The following LUC7L variants were observed in gnomAD, a reference collection of about 807,000 sequenced individuals.
LUC7L encodes the protein putative RNA-binding protein Luc7-like 1.
In LUC7L, 29 loss-of-function variants were observed where a neutral mutation model predicts 51.1. That is an observed-to-expected ratio of 0.57 (90% confidence interval 0.42 to 0.77). The LOEUF (loss-of-function observed/expected upper bound fraction) is 0.77, where lower values mean the gene tolerates loss of function less well. Ranked by LOEUF, LUC7L falls within the 30% of genes least tolerant of loss-of-function variation. The pLI, the probability that LUC7L is intolerant of heterozygous loss-of-function variation, is 0.00. For synonymous variants in LUC7L, 181 were observed against 180.7 expected (o/e 1.00, Z -0.01); for missense variants, 403 against 511.9 (o/e 0.79, Z 2.05).
intron 1 of LUC7L, chr16:228,132 T>C: frequency 8.8e-7 from 1 of 1,133,684 alleles, no homozygotes; most frequent in Non-Finnish European, 1.1e-6. Flanking sequence ...ATGTGACAAA[T>C]TTTAAAGCTA....
rs2049510100 is a variant in LUC7L at position 207,263 on chromosome 16, C to T, written c.366+815G>A. 2.6e-5 allele frequency among the ~76,000 whole-genome samples: 4 copies of T among 151,712 alleles called. No individual in the cohort carries two copies. In the South Asian group the frequency reaches 6.3e-4, roughly 24 times the overall value. ...TTGAGGCAGGGTCTCACTCTGTTAT[C>T]CAGGCTGAAGCAAAGTAGCATGATC... On this transcript the variant is annotated intron_variant, in intron 4 of 9. Coordinates refer to ENST00000293872, the MANE Select transcript of LUC7L (RefSeq NM_201412.3).
intron 9 of LUC7L, chr16:189,648 AAAAC>A (rs2048956582): frequency 7.6e-7 from 1 of 1,323,906 alleles, no homozygotes; most frequent in Non-Finnish European, 9.6e-7. Flanking sequence ...AAAAATATCA[AAAAC>A]AAAAACCAAA....
chr16:208,612 AGC>A, intron 3 of LUC7L: 1 of 996,322 alleles, frequency 1.0e-6, no homozygotes, highest in Non-Finnish European at 1.2e-6. Flanking sequence ...GGTCTTTGTG[AGC>A]CACGTAAATA....
chr16:229,117 G>T, intron 1 of LUC7L, 162 bp downstream of exon 1: 1 of 1,410,654 alleles, frequency 7.1e-7, no homozygotes, highest in Non-Finnish European at 9.1e-7. Flanking sequence ...AGACGCACCG[G>T]CTTAGACAAA....
chr16:229,241 C>T (rs758935602), intron 1 of LUC7L, 38 bp downstream of exon 1: 56 of 1,522,342 alleles, frequency 3.7e-5, no homozygotes, highest in Non-Finnish European at 4.8e-5. Flanking sequence ...GCCTCACTCC[C>T]ACCCCAGACC....
intron 3 of LUC7L, among the ~76,000 whole-genome samples, chr16:219,305 C>CT (rs1272738597): frequency 3.3e-5 from 5 of 152,130 alleles, no homozygotes; most frequent in Non-Finnish European, 7.4e-5. Flanking sequence ...AGGAGAATCA[C>CT]TTGAACCAGG....
At chr16:213,771 G>A (rs368867587) in intron 3 of LUC7L, among the ~76,000 whole-genome samples, 20 of 152,120 alleles carry the variant, frequency 1.3e-4, no homozygotes, top group African/African-American at 4.8e-4. Flanking sequence ...CTGGAGTGCA[G>A]TGGCGCAATC....
intron 2 of LUC7L, among the ~76,000 whole-genome samples, chr16:221,329 G>T (rs1410655515): frequency 6.6e-6 from 1 of 151,740 alleles, no homozygotes; most frequent in Non-Finnish European, 1.5e-5. Context: ...ACAGGTGTGA[G>T]CCACGGTGCC....
chr16:227,473 A>G (rs552044078), intron 1 of LUC7L, 137 bp from the exon 2 acceptor site: 1 of 1,461,314 alleles, frequency 6.8e-7, no homozygotes, highest in Admixed American at 2.5e-5. Flanking sequence ...TGAAAAGCTG[A>G]TCTAAAGATA....
chr16:222,345 AAGAC>A (rs963966657), intron 2 of LUC7L, among the ~76,000 whole-genome samples: 4 of 151,736 alleles, frequency 2.6e-5, no homozygotes, highest in African/African-American at 9.7e-5. Context: ...AAAAAAAAAA[AAGAC>A]GTTAGTACCA....
chr16:196,485 A>T (rs2049153005), intron 6 of LUC7L, among the ~76,000 whole-genome samples: 1 of 152,036 alleles, frequency 6.6e-6, no homozygotes, highest in Non-Finnish European at 1.5e-5. Context: ...TGAAAATGTA[A>T]TTTAAAGGAG....
chr16:220,573 G>C, intron 3 of LUC7L, 76 bp downstream of exon 3: 1 of 1,079,398 alleles, frequency 9.3e-7, no homozygotes, highest in South Asian at 1.3e-5. Flanking sequence ...CATAACTTAC[G>C]TATGTTACAT....
chr16:204,094 A>T (rs946773747), intron 5 of LUC7L, among the ~76,000 whole-genome samples: 3 of 151,942 alleles, frequency 2.0e-5, no homozygotes, highest in Non-Finnish European at 2.9e-5. Context: ...TTTAGGTAGA[A>T]ATCTAACAAA....
intron 9 of LUC7L, 67 bp downstream of exon 9, chr16:189,901 C>T: frequency 6.4e-7 from 1 of 1,558,380 alleles, no homozygotes; most frequent in Admixed American, 1.8e-5. Context: ...CGGCCCTCAG[C>T]AGACCCTGGG....
intron 2 of LUC7L, among the ~76,000 whole-genome samples, chr16:221,217 G>A (rs1055052292): frequency 3.1e-5 from 2 of 65,494 alleles, no homozygotes; most frequent in Non-Finnish European, 6.2e-5. Context: ...TTTTTTTTTT[G>A]TATTTTCAGT....
intron 2 of LUC7L, 39 bp downstream of exon 2, chr16:227,203 T>C (rs1312018109): frequency 6.5e-7 from 1 of 1,537,280 alleles, no homozygotes; most frequent in Non-Finnish European, 9.0e-7. Flanking sequence ...ACAGCACTCA[T>C]GTCAGAGTGT....
chr16:200,577 G>GA (rs952567652), intron 5 of LUC7L, among the ~76,000 whole-genome samples: 2,499 of 144,168 alleles, frequency 0.017, 78 homozygotes, highest in African/African-American at 0.059. Flanking sequence ...CTCCAAAAAG[G>GA]AAAAAAAAAA....
rs772529116 is a variant in LUC7L, at chr16:199,248, G to A, written c.511-10C>T. 2.8e-5 allele frequency: 44 copies of A among 1,574,938 alleles called. No homozygotes were observed. The highest frequency in any genetic ancestry group is 5.2e-5 in the Admixed American group (3 of 57,526). On this transcript the variant is annotated splice_polypyrimidine_tract_variant and intron_variant, in intron 5 of 9. Transcript: ENST00000293872. ...AATTTCTGTATTCTTCCTGAAGAAG[G>A]AAAATGGAGAAATAAAAGTGAGGTA...
At chr16:189,480 G>C (rs993792622) in intron 9 of LUC7L, 141 bp from the exon 10 acceptor site, 1 of 1,425,806 alleles carries the variant, frequency 7.0e-7, no homozygotes, top group Non-Finnish European at 9.1e-7. Flanking sequence ...AGGCCAACCA[G>C]ACTTGCCCAC....
Sources: allele counts gnomAD v4.1 joint callset (sites outside exome capture counted in the v4.1 genomes callset), GRCh38; gene constraint gnomAD v4.1.1; transcripts MANE v1.5; gene names NCBI Gene and HGNC (gene_info 2026-07-23, HGNC 2026-07-21).